Variants in CTNNA3 observed in about 807,000 individuals in gnomAD.
CTNNA3 encodes catenin alpha 3, also known as catenin alpha-3.
Under a neutral mutation model 95.7 loss-of-function variants are expected in CTNNA3, and 76 were observed. The observed-to-expected ratio is 0.79, with a 90% CI of 0.66 to 0.96. The LOEUF is 0.96. Among genes scored for constraint, CTNNA3 ranks in the 40% least tolerant of loss-of-function variants. The pLI is 0.00. For missense variants in CTNNA3, 1,191 were observed against 1,089.8 expected, an observed-to-expected ratio of 1.09 and a Z score of -1.31; for synonymous variants, 431 against 374.4, an observed-to-expected ratio of 1.15 and a Z score of -1.74.
At chr10:67,249,935 G>C (rs1327146980) in intron 5 of CTNNA3, among the ~76,000 whole-genome samples, 1 of 152,236 alleles carries the variant, frequency 6.6e-6, no homozygotes, top group Non-Finnish European at 1.5e-5. Flanking sequence ...CACACAGTTA[G>C]TGGTCCCAGC....
chr10:67,727,591 A>G (rs1182113747), intron 1 of CTNNA3, among the ~76,000 whole-genome samples: 2 of 128,498 alleles, frequency 1.6e-5, no homozygotes, highest in East Asian at 2.1e-4. Flanking sequence ...TATGATATAT[A>G]TCATATATCA....
intron 5 of CTNNA3, among the ~76,000 whole-genome samples, chr10:67,362,710 C>A (rs1272310096): frequency 6.6e-6 from 1 of 151,718 alleles, no homozygotes; most frequent in East Asian, 1.9e-4. Context: ...AAAAGATGCC[C>A]ACTCTCACTA....
rs769116433 is a variant in CTNNA3 at position 67,539,537 on chromosome 10, A to G, written c.425T>C (p.Ile142Thr). ...ATGTTGCAAGAGGCACATGACATCA[A>G]TCATGTCCGCAAGGATAAGGAGTCT... is the stretch of plus-strand genomic sequence containing the variant. ...VTRLLILADM[I>T]DVMCLLQHVS... Residue 142 changes from isoleucine (I) to threonine (T), a missense_variant, in exon 4 of 18, where the codon ATT (isoleucine) becomes ACT (threonine). Ile to Thr is a moderately conservative substitution (Grantham distance 89). Coordinates refer to ENST00000433211, the MANE Select transcript of CTNNA3 (RefSeq NM_013266.4). 5.0e-6 allele frequency: 8 copies of G among 1,613,574 alleles called. No homozygotes were observed. The South Asian group carries it at 5.5e-5, about 11-fold the overall frequency.
chr10:66,974,460 G>A lies in CTNNA3; in HGVS notation c.1048-198936C>T, dbSNP rs181407098. ...TTTGACTATTGTGAATTAAGCTGCT[G>A]TAAACATTTATATACAAGTCATTCG... On this transcript the variant is annotated intron_variant, in intron 7 of 17. Coordinates refer to ENST00000433211, the MANE Select transcript of CTNNA3 (RefSeq NM_013266.4). Among the ~76,000 whole-genome samples, 14 of 152,248 alleles carry A rather than the reference G, an allele frequency of 9.2e-5. 1 individual carries two copies. The East Asian group carries it at 2.3e-3, about 25-fold the overall frequency.
At chr10:66,863,896 G>A (rs1844057886) in intron 7 of CTNNA3, among the ~76,000 whole-genome samples, 1 of 152,034 alleles carries the variant, frequency 6.6e-6, no homozygotes, top group Non-Finnish European at 1.5e-5. Flanking sequence ...AATTCATATA[G>A]CACCTAACAA....
intron 13 of CTNNA3, among the ~76,000 whole-genome samples, chr10:66,156,853 G>A (rs2084533340): frequency 6.6e-6 from 1 of 151,804 alleles, no homozygotes; most frequent in African/African-American, 2.4e-5. Flanking sequence ...TGTGTGAAAG[G>A]TGCTGAGGGA....
chr10:66,870,804 T>G (rs1844369601), intron 7 of CTNNA3, among the ~76,000 whole-genome samples: 1 of 152,308 alleles, frequency 6.6e-6, no homozygotes, highest in Non-Finnish European at 1.5e-5. Flanking sequence ...CATTTGTTTA[T>G]GATTTTCTTT....
At chr10:65,984,117 A>G (rs943013279) in intron 16 of CTNNA3, among the ~76,000 whole-genome samples, 3 of 151,308 alleles carry the variant, frequency 2.0e-5, no homozygotes, top group African/African-American at 7.3e-5. Flanking sequence ...TGACCTTCTG[A>G]CACACCAGCA....
At chr10:67,103,021 A>T (rs1327116814) in intron 7 of CTNNA3, among the ~76,000 whole-genome samples, 2 of 151,782 alleles carry the variant, frequency 1.3e-5, no homozygotes, top group African/African-American at 4.8e-5. Flanking sequence ...CCTTGAAGTT[A>T]CTATTAAGAG....
chr10:67,086,207 T>C (rs1857299984), intron 7 of CTNNA3, among the ~76,000 whole-genome samples: 1 of 151,972 alleles, frequency 6.6e-6, no homozygotes, highest in South Asian at 2.1e-4. Context: ...TTGAAGAAAT[T>C]CATAGCAATA....
chr10:66,067,692 C>T (rs1052692644), intron 15 of CTNNA3, among the ~76,000 whole-genome samples: 40 of 151,810 alleles, frequency 2.6e-4, no homozygotes, highest in Admixed American at 4.6e-4. Flanking sequence ...CTGAGGCGGG[C>T]GGATCACGAG....
At chr10:67,695,617 C>T (rs1227477448) in intron 1 of CTNNA3, among the ~76,000 whole-genome samples, 2 of 152,120 alleles carry the variant, frequency 1.3e-5, no homozygotes, top group Non-Finnish European at 2.9e-5. Context: ...AAGTAAAATC[C>T]CTTCAAACAT....
chr10:66,869,781 C>T (rs1844327216), intron 7 of CTNNA3, among the ~76,000 whole-genome samples: 1 of 152,028 alleles, frequency 6.6e-6, no homozygotes, highest in African/African-American at 2.4e-5. Flanking sequence ...TAAAGTCAAA[C>T]TTCTCTTTGT....
chr10:67,270,802 C>T (rs977514588), intron 5 of CTNNA3, among the ~76,000 whole-genome samples: 2 of 151,994 alleles, frequency 1.3e-5, no homozygotes, highest in Admixed American at 1.3e-4. Context: ...TTATATGTGA[C>T]GCTAATTCGT....
At chr10:66,376,027 T>A (rs2092794539) in intron 12 of CTNNA3, among the ~76,000 whole-genome samples, 1 of 152,164 alleles carries the variant, frequency 6.6e-6, no homozygotes. Context: ...TTTTGGTCCA[T>A]GAGCCTGGCA....
chr10:66,086,077 T>C (rs2080971423), intron 14 of CTNNA3, among the ~76,000 whole-genome samples: 2 of 152,126 alleles, frequency 1.3e-5, no homozygotes, highest in Non-Finnish European at 2.9e-5. Context: ...GTCTTCTGAA[T>C]GTGAATTTGG....
intron 12 of CTNNA3, among the ~76,000 whole-genome samples, chr10:66,351,832 G>T (rs2092569219): frequency 6.6e-6 from 1 of 151,842 alleles, no homozygotes; most frequent in Non-Finnish European, 1.5e-5. Flanking sequence ...ACAAAAAGAG[G>T]TCTGAAAATC....
At chr10:67,571,465 TTCTGTAAGAAAAACATTA>T in intron 3 of CTNNA3, among the ~76,000 whole-genome samples, 1 of 152,214 alleles carries the variant, frequency 6.6e-6, no homozygotes. Context: ...TTAAGAACTC[TTCTGTAAGAAAAACATTA>T]AGTAAATTCA....
At chr10:67,248,209 C>T (rs544379140) in intron 5 of CTNNA3, among the ~76,000 whole-genome samples, 113 of 152,024 alleles carry the variant, frequency 7.4e-4, no homozygotes, top group Non-Finnish European at 1.5e-3. Context: ...GTAGTCCTAA[C>T]TACTTGGGGA....
Sources: gnomAD v4.1 joint callset for allele counts (sites outside exome capture counted in the v4.1 genomes callset) on GRCh38, gnomAD v4.1.1 for gene constraint, MANE v1.5 for transcripts, NCBI Gene and HGNC (gene_info 2026-07-23, HGNC 2026-07-21) for gene names.